The following ARFGEF3 variants were observed in gnomAD, a reference collection of about 807,000 sequenced individuals.
The protein encoded by ARFGEF3 is brefeldin A-inhibited guanine nucleotide-exchange protein 3.
In ARFGEF3, 96 loss-of-function variants were observed where a neutral mutation model predicts 221.7. The observed-to-expected ratio is 0.43, with a 90% CI of 0.37 to 0.51. ARFGEF3 has a LOEUF of 0.51. Ranked by LOEUF, ARFGEF3 falls within the 20% of genes least tolerant of loss-of-function variation. The pLI is 0.00. For missense variants in ARFGEF3, 2,410 were observed against 2,789.9 expected (o/e 0.86, Z 3.07); for synonymous variants, 1,145 against 1,126.8 (o/e 1.02, Z -0.32).
chr6:138,273,789 G>A (rs576121498), intron 12 of ARFGEF3, among the ~76,000 whole-genome samples: 4 of 152,176 alleles, frequency 2.6e-5, no homozygotes, highest in East Asian at 1.9e-4. Context: ...GCAATAGAAA[G>A]CATTTAATAA....
At chr6:138,296,456 T>C (rs1455491463) in intron 20 of ARFGEF3, among the ~76,000 whole-genome samples, 1 of 152,074 alleles carries the variant, frequency 6.6e-6, no homozygotes, top group African/African-American at 2.4e-5. Flanking sequence ...AAGAGGAAAA[T>C]CTTTGGCCCA....
chr6:138,211,417 CAG>C (rs1197620645), intron 4 of ARFGEF3, among the ~76,000 whole-genome samples: 1 of 152,188 alleles, frequency 6.6e-6, no homozygotes, highest in African/African-American at 2.4e-5. Context: ...CTTATCCTTT[CAG>C]TTTGGCAGCT....
chr6:138,298,965 C>T (rs1779576262), intron 22 of ARFGEF3, among the ~76,000 whole-genome samples, 180 bp downstream of exon 22: 1 of 152,042 alleles, frequency 6.6e-6, no homozygotes, highest in Admixed American at 6.5e-5. Flanking sequence ...TTTGGGAGGC[C>T]AAGGTGGGCG....
At chr6:138,325,237 TA>T (rs926983092) in intron 31 of ARFGEF3, among the ~76,000 whole-genome samples, 68 of 152,242 alleles carry the variant, frequency 4.5e-4, no homozygotes, top group African/African-American at 1.6e-3. Flanking sequence ...CAGATCTGTT[TA>T]AATTCTTAAT....
At chr6:138,204,055 G>A (rs758100479) in intron 2 of ARFGEF3, among the ~76,000 whole-genome samples, 2 of 151,820 alleles carry the variant, frequency 1.3e-5, no homozygotes, top group Non-Finnish European at 2.9e-5. Context: ...AAAAAGATTC[G>A]AGGCCAGGCG....
At chr6:138,295,639 AAG>A (rs1554256511) in intron 20 of ARFGEF3, among the ~76,000 whole-genome samples, 2,796 of 151,308 alleles carry the variant, frequency 0.018, 74 homozygotes, top group African/African-American at 0.065. Flanking sequence ...AAAAAAAAAA[AAG>A]AAAGAAAGAA....
rs1364449275 is a variant in ARFGEF3, at chr6:138,323,784, G to A, written c.4869+11G>A. 1 of 1,612,854 alleles carries A rather than the reference G, an allele frequency of 6.2e-7. No homozygotes were observed. Among genetic ancestry groups the A allele is most frequent in the Non-Finnish European group, 8.5e-7 (1 of 1,179,130 alleles). On this transcript the variant is annotated intron_variant, in intron 30 of 33. Coordinates refer to ENST00000251691, the MANE Select transcript of ARFGEF3 (RefSeq NM_020340.5). ...CTCAAGCCAGTGAAGGTACATCACT[G>A]GGAGGAAGCCCTCCCTGGCACAGTT... is the stretch of plus-strand genomic sequence containing the variant.
At chr6:138,266,504 G>T (rs958044875) in intron 12 of ARFGEF3, among the ~76,000 whole-genome samples, 1 of 152,094 alleles carries the variant, frequency 6.6e-6, no homozygotes, top group African/African-American at 2.4e-5. Context: ...CTCCCAAAGT[G>T]CTAGGATTAC....
At chr6:138,242,855 G>A (rs554056198) in intron 6 of ARFGEF3, 97 bp from the exon 7 acceptor site, 114 of 1,045,476 alleles carry the variant, frequency 1.1e-4, no homozygotes, top group Non-Finnish European at 1.4e-4. Flanking sequence ...AGGGCACCCC[G>A]GAAGCCATTT....
At chr6:138,205,196 T>A (rs1777605686) in intron 2 of ARFGEF3, among the ~76,000 whole-genome samples, 1 of 152,234 alleles carries the variant, frequency 6.6e-6, no homozygotes, top group South Asian at 2.1e-4. Flanking sequence ...TCCAATCTTG[T>A]TGGGTGCCCT....
intron 2 of ARFGEF3, among the ~76,000 whole-genome samples, chr6:138,190,702 C>G (rs1717880528): frequency 6.6e-6 from 1 of 152,166 alleles, no homozygotes; most frequent in South Asian, 2.1e-4. Context: ...AGGAACAGTT[C>G]TCAGTGCTGT....
chr6:138,228,231 A>C (rs6913446), intron 4 of ARFGEF3, among the ~76,000 whole-genome samples: 29,442 of 139,622 alleles, frequency 0.21, 4,688 homozygotes, highest in African/African-American at 0.44. Context: ...GGCTGGAGTG[A>C]AACAGTGTGA....
chr6:138,294,901 A>G (rs1261008624), intron 20 of ARFGEF3, among the ~76,000 whole-genome samples: 2 of 152,174 alleles, frequency 1.3e-5, no homozygotes, highest in African/African-American at 2.4e-5. Context: ...GGTCCCTTCT[A>G]TCCTTAGGAA....
intron 2 of ARFGEF3, among the ~76,000 whole-genome samples, chr6:138,187,832 C>G (rs527255564): frequency 1.2e-4 from 18 of 152,140 alleles, no homozygotes; most frequent in Non-Finnish European, 2.2e-4. Flanking sequence ...AGTCACCCTA[C>G]TAAAAAGGCA....
intron 2 of ARFGEF3, among the ~76,000 whole-genome samples, chr6:138,173,221 T>C (rs1029327758): frequency 1.3e-5 from 2 of 152,218 alleles, no homozygotes; most frequent in African/African-American, 4.8e-5. Flanking sequence ...AAAAGTGATA[T>C]GTTTTAATTA....
At chr6:138,257,256 G>A (rs1430839666) in intron 10 of ARFGEF3, among the ~76,000 whole-genome samples, 4 of 152,168 alleles carry the variant, frequency 2.6e-5, no homozygotes, top group Non-Finnish European at 5.9e-5. Context: ...CCTTCCCCAG[G>A]GTCCTCCCCT....
intron 5 of ARFGEF3, among the ~76,000 whole-genome samples, chr6:138,233,994 A>C (rs1162137917): frequency 1.3e-5 from 2 of 152,306 alleles, no homozygotes; most frequent in Middle Eastern, 3.4e-3. Flanking sequence ...CCTGTGTGCC[A>C]GTCTCTATTG....
intron 14 of ARFGEF3, among the ~76,000 whole-genome samples, chr6:138,281,964 TG>T (rs1416041847): frequency 6.6e-6 from 1 of 152,014 alleles, no homozygotes; most frequent in Admixed American, 6.5e-5. Context: ...TTTTTTTGTT[TG>T]GTTGTTTTCT....
At chr6:138,304,876 C>T (rs1779692210) in intron 22 of ARFGEF3, among the ~76,000 whole-genome samples, 2 of 152,108 alleles carry the variant, frequency 1.3e-5, no homozygotes, top group African/African-American at 4.8e-5. Context: ...TATTTTAAAA[C>T]TAGCATCTGA....
Sources: allele counts gnomAD v4.1 joint callset (sites outside exome capture counted in the v4.1 genomes callset), GRCh38; gene constraint gnomAD v4.1.1; transcripts MANE v1.5; gene names NCBI Gene and HGNC (gene_info 2026-07-23, HGNC 2026-07-21).